The following ADCY5 variants were observed in gnomAD, a reference collection of about 807,000 sequenced individuals.
ADCY5 encodes adenylate cyclase 5.
Under a neutral mutation model 119.7 loss-of-function variants are expected in ADCY5, and 30 were observed. The observed-to-expected ratio is 0.25, with a 90% CI of 0.19 to 0.34. ADCY5 has a LOEUF of 0.34. Among genes scored for constraint, ADCY5 ranks in the 10% least tolerant of loss-of-function variants. The pLI is 1.00. For synonymous variants in ADCY5, 753 were observed against 762.2 expected (o/e 0.99, Z 0.20); for missense variants, 1,324 against 1,775.2 (o/e 0.75, Z 4.57).
At position 123,400,603 on chromosome 3, in the gene ADCY5, G is replaced by A. The variant is rs1944722786; in HGVS notation, c.1134+46809C>T. On this transcript the variant is annotated intron_variant, in intron 1 of 20. Transcript: ENST00000462833. ...TTATGCAGTTATTTAAAATAATGCA[G>A]TATCTGTAGAAAACATGCATTTGGC... Among the ~76,000 whole-genome samples, 3 of 152,302 alleles carry A rather than the reference G, an allele frequency of 2.0e-5. No individual in the cohort carries two copies. The South Asian group carries it at 6.2e-4, about 32-fold the overall frequency.
chr3:123,292,968 G>A (rs1237438837), intron 17 of ADCY5, among the ~76,000 whole-genome samples: 1 of 152,212 alleles, frequency 6.6e-6, no homozygotes, highest in Non-Finnish European at 1.5e-5. Context: ...AGGGCCGCTA[G>A]AGCAGGCTAC....
At chr3:123,311,354 T>C (rs1940566592) in intron 12 of ADCY5, among the ~76,000 whole-genome samples, 1 of 152,150 alleles carries the variant, frequency 6.6e-6, no homozygotes, top group African/African-American at 2.4e-5. Flanking sequence ...CCCACTGCAG[T>C]GAGTGTGCCA....
chr3:123,347,070 G>A (rs1208603054), intron 3 of ADCY5, among the ~76,000 whole-genome samples: 2 of 152,132 alleles, frequency 1.3e-5, no homozygotes, highest in East Asian at 3.8e-4. Context: ...GCTGGCTCGG[G>A]GACCTTGAGC....
intron 1 of ADCY5, among the ~76,000 whole-genome samples, chr3:123,376,763 C>T (rs1353935401): frequency 6.6e-6 from 1 of 152,166 alleles, no homozygotes; most frequent in Non-Finnish European, 1.5e-5. Context: ...TCTGGGCAGG[C>T]AGGAGGGGGA....
Position 123,291,447 on chromosome 3 carries a change from T to TC in ADCY5, c.3064-72dup, listed in dbSNP as rs1230187648. 17 of 1,538,776 alleles carry TC rather than the reference T, an allele frequency of 1.1e-5. No individual in the cohort carries two copies. In the Admixed American group the frequency reaches 1.2e-4, roughly 10 times the overall value. On this transcript the variant is annotated intron_variant, in intron 17 of 20. Transcript: ENST00000462833. ...AGATGTCGGCCCCTCCACCTCCTCC[T>TC]CTCCGTGGCCTGGAGAAAAAGCACC... is the stretch of plus-strand genomic sequence containing the variant.
chr3:123,446,225 A>C (rs1945810100), intron 1 of ADCY5, among the ~76,000 whole-genome samples: 1 of 152,242 alleles, frequency 6.6e-6, no homozygotes, highest in African/African-American at 2.4e-5. Context: ...GCCAGGGGAC[A>C]CAGGAGAGCA....
intron 1 of ADCY5, among the ~76,000 whole-genome samples, chr3:123,367,725 C>T (rs1185102744): frequency 6.6e-6 from 1 of 152,110 alleles, no homozygotes; most frequent in Non-Finnish European, 1.5e-5. Context: ...TCCCACCCTA[C>T]ACAGGTGAAG....
chr3:123,359,459 C>G (rs72626337), intron 1 of ADCY5, among the ~76,000 whole-genome samples: 10,378 of 150,776 alleles, frequency 0.069, 887 homozygotes, highest in East Asian at 0.26. Context: ...TGCCCTCCCC[C>G]AGTCGTGACA....
chr3:123,287,154 T>C, intron 19 of ADCY5: 1 of 196,376 alleles, frequency 5.1e-6, no homozygotes, highest in South Asian at 1.4e-4. Flanking sequence ...GTGTCTCTCT[T>C]CCTCATTCTT....
chr3:123,293,817 C>T (rs765815426), intron 17 of ADCY5, among the ~76,000 whole-genome samples: 3 of 152,138 alleles, frequency 2.0e-5, no homozygotes, highest in Non-Finnish European at 2.9e-5. Flanking sequence ...TTTCCACGTA[C>T]GTTTCCACAC....
intron 18 of ADCY5, among the ~76,000 whole-genome samples, chr3:123,290,679 T>TC (rs1428317088): frequency 6.6e-6 from 1 of 152,206 alleles, no homozygotes; most frequent in Non-Finnish European, 1.5e-5. Flanking sequence ...TGAGGACTCC[T>TC]CCTTCCTTTG....
chr3:123,391,137 C>G (rs1377662778), intron 1 of ADCY5, among the ~76,000 whole-genome samples: 1 of 152,146 alleles, frequency 6.6e-6, no homozygotes, highest in East Asian at 1.9e-4. Context: ...CCTGGAAGCT[C>G]TAAGGATATA....
intron 8 of ADCY5, among the ~76,000 whole-genome samples, chr3:123,323,179 C>T (rs1941309508): frequency 6.6e-6 from 1 of 152,224 alleles, no homozygotes; most frequent in South Asian, 2.1e-4. Flanking sequence ...TTCCCACAGC[C>T]CTGTTCTTCC....
chr3:123,396,517 A>AAGAG (rs199564145), intron 1 of ADCY5, among the ~76,000 whole-genome samples: 2 of 135,596 alleles, frequency 1.5e-5, no homozygotes, highest in East Asian at 4.3e-4. Flanking sequence ...GAAAGAAAGA[A>AAGAG]AGAGAGAGAG....
intron 1 of ADCY5, among the ~76,000 whole-genome samples, chr3:123,430,805 T>C (rs1366493115): frequency 1.3e-5 from 2 of 152,178 alleles, no homozygotes; most frequent in Non-Finnish European, 2.9e-5. Flanking sequence ...GCCAACCTTT[T>C]CAGTCCTCAG....
chr3:123,426,707 A>G (rs995833724), intron 1 of ADCY5, among the ~76,000 whole-genome samples: 4 of 152,186 alleles, frequency 2.6e-5, no homozygotes, highest in Non-Finnish European at 5.9e-5. Flanking sequence ...ATACTTTGTC[A>G]GGCAGCCCCT....
At position 123,328,563 on chromosome 3, in the gene ADCY5, G is replaced by A. The variant is rs779348063; in HGVS notation, c.1805+81C>T. The A allele has an allele frequency of 5.9e-5, 88 of 1,496,100 alleles. 2 individuals are homozygous for A. The highest frequency in any genetic ancestry group is 2.6e-4 in the South Asian group (21 of 81,792). 92.7% of individuals were successfully genotyped at this position (1,496,100 alleles called of 1,614,324 possible). A position where few individuals can be genotyped will look rare whatever the true frequency, so the allele number is the denominator to read the frequency against. On this transcript the variant is annotated intron_variant, in intron 6 of 20. Transcript: ENST00000462833. ...TGCCCACCCCACCCTGCCCCGCCTCGCCTCTGCAGGATGGTCACCCTGGGT... is the reference window on the plus strand; with the variant it reads ...TGCCCACCCCACCCTGCCCCGCCTCACCTCTGCAGGATGGTCACCCTGGGT...
chr3:123,323,162 G>A (rs2108361094), intron 8 of ADCY5, among the ~76,000 whole-genome samples: 1 of 152,334 alleles, frequency 6.6e-6, no homozygotes, highest in Non-Finnish European at 1.5e-5. Context: ...CAGGACAGGA[G>A]CCTCTGTTCC....
At chr3:123,441,444 C>A (rs1378254762) in intron 1 of ADCY5, among the ~76,000 whole-genome samples, 1 of 152,162 alleles carries the variant, frequency 6.6e-6, no homozygotes, top group Non-Finnish European at 1.5e-5. Context: ...AGAGAGCTGG[C>A]TACCCTAAGA....
Sources: allele counts gnomAD v4.1 joint callset (sites outside exome capture counted in the v4.1 genomes callset), GRCh38; gene constraint gnomAD v4.1.1; transcripts MANE v1.5; gene names NCBI Gene and HGNC (gene_info 2026-07-23, HGNC 2026-07-21).